The following IL12B variants were observed in gnomAD, a reference collection of about 807,000 sequenced individuals.
IL12B encodes interleukin 12B, also known as interleukin-12 subunit beta.
IL12B carries 27 observed loss-of-function variants against 39.2 expected under a neutral mutation model. The observed-to-expected ratio is 0.69, with a 90% CI of 0.51 to 0.95. IL12B has a LOEUF of 0.95. IL12B is among the 40% of genes least tolerant of loss of function. The probability of loss-of-function intolerance (pLI) is 0.00; values close to 1 mark genes in which losing one functional copy is unlikely to be tolerated. For missense variants in IL12B, 351 were observed against 397.6 expected (o/e 0.88, Z 1.00); for synonymous variants, 142 against 152.1 (o/e 0.93, Z 0.49).
intron 2 of IL12B, among the ~76,000 whole-genome samples, chr5:159,325,078 A>C (rs1005432319): frequency 9.9e-5 from 15 of 152,150 alleles, no homozygotes; most frequent in African/African-American, 3.6e-4. Context: ...ACAGCAGGGA[A>C]AACAGCTGCA....
rs1434062798 is a variant in IL12B at position 159,316,668 on chromosome 5, T to C, written c.*17A>G. ...CTGAGAGTGCAGGCCTGGGCTGGCC[T>C]TTGAGGGCCTGCTCACCTAACTGCA... On this transcript the variant is annotated intron_variant, in intron 7 of 7. Coordinates refer to ENST00000231228, the MANE Select transcript of IL12B (RefSeq NM_002187.3). 1.2e-6 allele frequency: 2 copies of C among 1,608,778 alleles called. No homozygotes were observed. The highest frequency in any genetic ancestry group is 8.5e-7 in the Non-Finnish European group (1 of 1,177,636).
At chr5:159,321,866 G>A (rs547326172) in intron 4 of IL12B, among the ~76,000 whole-genome samples, 10 of 152,220 alleles carry the variant, frequency 6.6e-5, no homozygotes, top group African/African-American at 1.7e-4. Flanking sequence ...GCTTTCTTAC[G>A]GAAAGTCCAG....
At chr5:159,323,571 A>G (rs1291046604) in intron 2 of IL12B, among the ~76,000 whole-genome samples, 1 of 152,218 alleles carries the variant, frequency 6.6e-6, no homozygotes, top group Non-Finnish European at 1.5e-5. Flanking sequence ...TGCCTTTAAT[A>G]GTAACCTTTG....
chr5:159,327,601 T>G (rs186797803), intron 1 of IL12B, among the ~76,000 whole-genome samples: 1 of 152,084 alleles, frequency 6.6e-6, no homozygotes, highest in East Asian at 1.9e-4. Context: ...ACCCCCAGAG[T>G]GTCTGATTCA....
Position 159,318,832 on chromosome 5 carries a change from C to T in IL12B, c.759G>A (p.Glu253=). The T allele has an allele frequency of 1.2e-6, 2 of 1,613,978 alleles. No homozygotes were observed. The highest frequency in any genetic ancestry group is 1.7e-6 in the Non-Finnish European group (2 of 1,179,880). The change falls in exon 6 of 8, where the codon GAG becomes GAA. Residue 253 remains glutamate, a synonymous_variant. Coordinates refer to ENST00000231228, the MANE Select transcript of IL12B (RefSeq NM_002187.3). ...AGGTGTCAGGGTACTCCCAGCTGAC[C>T]TCCACCTGCCGAGAATTCTTTAATG... The part of the protein sequence containing the change: ...LKPLKNSRQV[E]VSWEYPDTWS...
Position 159,322,522 on chromosome 5 carries a change from A to G in IL12B, c.365-11T>C. ...TCTTATTTTTGGGTTCTGGATTTGAAAAAAACAAAAATTCAATATTTAGGA... is the reference window on the plus strand; with the variant it reads ...TCTTATTTTTGGGTTCTGGATTTGAGAAAAACAAAAATTCAATATTTAGGA... On this transcript the variant is annotated splice_polypyrimidine_tract_variant and intron_variant, in intron 3 of 7. Coordinates refer to ENST00000231228, the MANE Select transcript of IL12B (RefSeq NM_002187.3). 1.3e-6 allele frequency: 2 copies of G among 1,551,012 alleles called. No homozygotes were observed. Among genetic ancestry groups the G allele is most frequent in the Non-Finnish European group, 1.8e-6 (2 of 1,122,510 alleles).
intron 1 of IL12B, among the ~76,000 whole-genome samples, chr5:159,328,643 T>C (rs1754229620): frequency 6.6e-6 from 1 of 152,152 alleles, no homozygotes; most frequent in Admixed American, 6.5e-5. Flanking sequence ...TGCAATTACA[T>C]GCGCCTGTAA....
In IL12B at chr5:159,320,514, A is replaced by G. The variant is rs776084353; in HGVS notation, c.489T>C (p.Ser163=). 1 of 1,613,908 alleles carries G rather than the reference A, an allele frequency of 6.2e-7. No individual in the cohort carries two copies. Among genetic ancestry groups the G allele is most frequent in the Non-Finnish European group, 8.5e-7 (1 of 1,179,798 alleles). ...CTCCGCACGTCACCCCTTGGGGGTC[A>G]GAAGAGCTGAAGTCAAAGACAGAAA... ...TFSVKSSRGS[S]DPQGVTCGAA... Residue 163 remains serine, a synonymous_variant, in exon 5 of 8, where the codon TCT becomes TCC. Coordinates refer to ENST00000231228, the MANE Select transcript of IL12B (RefSeq NM_002187.3).
intron 4 of IL12B, among the ~76,000 whole-genome samples, chr5:159,321,592 C>A (rs1468980064): frequency 6.6e-6 from 1 of 152,058 alleles, no homozygotes; most frequent in Non-Finnish European, 1.5e-5. Context: ...GTTGGGTTAT[C>A]CACTTCAATG....
Position 159,326,701 on chromosome 5 carries a change from T to C in IL12B, c.82A>G (p.Lys28Glu). ...ATAATGAGAGGCTGGTTACCATCTT[T>C]CTTCAGTTCCCATATGGCCACGAGG... ...SPLVAIWELK[K>E]DVYVVELDWY... Residue 28 changes from lysine (K) to glutamate (E), a missense_variant, in exon 2 of 8, where the codon AAA (lysine) becomes GAA (glutamate). Transcript: ENST00000231228. 1 of 1,610,044 alleles carries C rather than the reference T, an allele frequency of 6.2e-7. No homozygotes were observed. The highest frequency in any genetic ancestry group is 2.2e-5 in the East Asian group (1 of 44,860).
At chr5:159,319,137 G>A (rs1465183673) in intron 5 of IL12B, among the ~76,000 whole-genome samples, 2 of 152,158 alleles carry the variant, frequency 1.3e-5, no homozygotes, top group Admixed American at 6.5e-5. Context: ...GGATCTGAGA[G>A]ATGCTCAGAA....
intron 3 of IL12B, 54 bp from the exon 4 acceptor site, chr5:159,322,565 T>G: frequency 8.5e-7 from 1 of 1,179,456 alleles, no homozygotes; most frequent in East Asian, 2.3e-5. Flanking sequence ...GCAGAAAGGT[T>G]TTGATTGTGA....
chr5:159,318,680 T>G, intron 6 of IL12B, 56 bp downstream of exon 6: 1 of 1,464,280 alleles, frequency 6.8e-7, no homozygotes, highest in Non-Finnish European at 9.6e-7. Flanking sequence ...TCTCACTTTA[T>G]GGTGGGCCTC....
intron 7 of IL12B, 69 bp downstream of exon 7, chr5:159,316,616 C>G: frequency 6.5e-7 from 1 of 1,539,662 alleles, no homozygotes. Flanking sequence ...AACACAGCCC[C>G]CAATCATATC....
intron 1 of IL12B, among the ~76,000 whole-genome samples, chr5:159,328,609 G>A (rs559116827): frequency 2.6e-5 from 4 of 152,330 alleles, no homozygotes; most frequent in Admixed American, 2.6e-4. Flanking sequence ...ATTCTAGGCA[G>A]TAGGGAAATG....
chr5:159,324,753 T>C (rs1268733493), intron 2 of IL12B, among the ~76,000 whole-genome samples: 3 of 152,276 alleles, frequency 2.0e-5, no homozygotes, highest in Non-Finnish European at 2.9e-5. Context: ...ATGTGGATTA[T>C]ATAAGCTCAT....
At position 159,328,228 on chromosome 5, in the gene IL12B, C is replaced by G. The variant is rs540714710; in HGVS notation, c.1-1446G>C. ...TGGACACTGCTCAGTGCTGTCACCA[C>G]AGCATGGAGTTTTAGGGGCATGGCT... On this transcript the variant is annotated intron_variant, in intron 1 of 7. Transcript: ENST00000231228. 1.7e-4 allele frequency among the ~76,000 whole-genome samples: 26 copies of G among 152,300 alleles called. 1 individual carries two copies. The East Asian group carries it at 5.0e-3, about 29-fold the overall frequency.
chr5:159,325,202 G>T (rs1754165185), intron 2 of IL12B, among the ~76,000 whole-genome samples: 1 of 152,108 alleles, frequency 6.6e-6, no homozygotes, highest in African/African-American at 2.4e-5. Context: ...GAATTTCTGT[G>T]GTTTACCAAA....
chr5:159,321,376 C>G (rs1252044279), intron 4 of IL12B, among the ~76,000 whole-genome samples: 1 of 150,568 alleles, frequency 6.6e-6, no homozygotes, highest in Non-Finnish European at 1.5e-5. Flanking sequence ...TACACACACA[C>G]ACACACACAC....
Sources: allele counts gnomAD v4.1 joint callset (sites outside exome capture counted in the v4.1 genomes callset), GRCh38; gene constraint gnomAD v4.1.1; transcripts MANE v1.5; gene names NCBI Gene and HGNC (gene_info 2026-07-23, HGNC 2026-07-21).